NPIPA5: variants seen among roughly 807,000 people sequenced by gnomAD.
NPIPA5 encodes the protein nuclear pore complex-interacting protein family member A5.
In NPIPA5, 6 loss-of-function variants were observed where a neutral mutation model predicts 21.4. That is an observed-to-expected ratio of 0.28 (90% CI 0.15 to 0.55). NPIPA5 has a LOEUF of 0.55. Among genes scored for constraint, NPIPA5 ranks in the 20% least tolerant of loss-of-function variants. NPIPA5 has a pLI of 0.93. For synonymous variants in NPIPA5, 33 were observed against 115.3 expected (o/e 0.29, Z 4.57); for missense variants, 99 against 318.2 (o/e 0.31, Z 5.24).
intron 1 of NPIPA5, among the ~76,000 whole-genome samples, chr16:15,377,053 T>C (rs888360117): frequency 2.0e-4 from 31 of 152,188 alleles, no homozygotes; most frequent in Middle Eastern, 3.4e-3. Context: ...TCCGTTTTGT[T>C]TGTTGGAGAC....
chr16:15,380,731 G>A (rs2050418143), upstream of NPIPA5, among the ~76,000 whole-genome samples: 1 of 148,910 alleles, frequency 6.7e-6, no homozygotes, highest in Non-Finnish European at 1.5e-5. Flanking sequence ...GTTTCTGACA[G>A]AAGATAGTGG....
chr16:15,374,223 C>G (rs1400921459), intron 1 of NPIPA5, among the ~76,000 whole-genome samples: 2 of 147,160 alleles, frequency 1.4e-5, no homozygotes, highest in African/African-American at 5.0e-5. Flanking sequence ...AGACAGAGTT[C>G]TGCTCCACTC....
Position 15,372,437 on chromosome 16 carries a change from A to G in NPIPA5, c.192+1278T>C, listed in dbSNP as rs1003362306. On this transcript the variant is annotated intron_variant, in intron 2 of 7. Transcript: ENST00000360151. ...GAGGTGGAGGTTGCAGTGAGCCGAG[A>G]TCACACCATTATACTCCAGCCTGGG... 4.9e-4 allele frequency among the ~76,000 whole-genome samples: 71 copies of G among 145,338 alleles called. 4 individuals are homozygous for G. The highest frequency in any genetic ancestry group is 1.8e-3 in the African/African-American group (70 of 39,990).
chr16:15,370,833 G>C (rs1277439340), intron 2 of NPIPA5, among the ~76,000 whole-genome samples: 1 of 147,686 alleles, frequency 6.8e-6, no homozygotes, highest in South Asian at 2.2e-4. Context: ...GGTGAATCAC[G>C]GTCCAGAGAT....
upstream of NPIPA5, chr16:15,381,038 G>T: frequency 6.6e-7 from 1 of 1,515,718 alleles, no homozygotes. Flanking sequence ...ACAATAGAGA[G>T]CTTCACCATT....
chr16:15,369,249 A>C (rs2050079185), intron 4 of NPIPA5, among the ~76,000 whole-genome samples: 1 of 149,272 alleles, frequency 6.7e-6, no homozygotes, highest in East Asian at 2.1e-4. Context: ...TGAGGTCAGA[A>C]GTTCGAGACC....
intron 1 of NPIPA5, among the ~76,000 whole-genome samples, 154 bp from the exon 2 acceptor site, chr16:15,373,997 G>C (rs1412522335): frequency 9.7e-6 from 1 of 103,254 alleles, no homozygotes; most frequent in Non-Finnish European, 1.9e-5. Flanking sequence ...AAAAAGAACA[G>C]AAGTTAGAGA....
At chr16:15,380,072 A>T (rs1276918318), upstream of NPIPA5, among the ~76,000 whole-genome samples, 1 of 151,844 alleles carries the variant, frequency 6.6e-6, no homozygotes, top group Admixed American at 6.6e-5. Context: ...AAAAGACAAG[A>T]TAATGTTCAA....
At chr16:15,368,021 A>G (rs1220042972) in intron 4 of NPIPA5, among the ~76,000 whole-genome samples, 3 of 70,966 alleles carry the variant, frequency 4.2e-5, no homozygotes, top group Admixed American at 1.8e-4. Context: ...TCAAATTGCT[A>G]ACATGGCAGT....
upstream of NPIPA5, among the ~76,000 whole-genome samples, chr16:15,380,361 C>T (rs191563284): frequency 1.9e-3 from 286 of 150,182 alleles, 2 homozygotes; most frequent in African/African-American, 6.7e-3. Flanking sequence ...CTCGCTCTGT[C>T]GTACAGTCTG....
intron 1 of NPIPA5, among the ~76,000 whole-genome samples, chr16:15,376,646 C>A (rs912924608): frequency 1.3e-5 from 2 of 151,744 alleles, no homozygotes; most frequent in African/African-American, 2.4e-5. Flanking sequence ...TGGCCAGGCG[C>A]GGTGGCTCAC....
intron 4 of NPIPA5, among the ~76,000 whole-genome samples, chr16:15,367,190 C>G (rs541183875): frequency 3.9e-5 from 6 of 152,246 alleles, no homozygotes; most frequent in Non-Finnish European, 8.8e-5. Context: ...TCTGACTCCT[C>G]CTGTGTGAGA....
upstream of NPIPA5, among the ~76,000 whole-genome samples, chr16:15,379,868 C>T (rs547705259): frequency 1.3e-5 from 2 of 151,956 alleles, no homozygotes; most frequent in East Asian, 1.9e-4. Context: ...TGCTTGAACC[C>T]GGGAGACGGA....
chr16:15,367,986 A>G (rs1473518833), intron 4 of NPIPA5, among the ~76,000 whole-genome samples: 1 of 58,992 alleles, frequency 1.7e-5, no homozygotes, highest in African/African-American at 7.1e-5. Flanking sequence ...CACCAAACAG[A>G]ATATAAAACC....
rs573746454 is a variant in NPIPA5, at chr16:15,370,672, AC to A, written c.193-554del. Among the ~76,000 whole-genome samples, 834 of 139,262 alleles carry A rather than the reference AC, an allele frequency of 6.0e-3. 23 individuals carry two copies. Among genetic ancestry groups the A allele is most frequent in the African/African-American group, 0.02 (785 of 38,474 alleles). The allele number at this position is 139,262 out of a possible 152,430, so 91.4% of individuals were successfully genotyped here. On this transcript the variant is annotated intron_variant, in intron 2 of 7. Transcript: ENST00000360151. ...AGGCTGAGGCAGGAGAATCACTTGA[AC>A]CCAGCAGGAAAAGGTTGTGTTGAGC... is the stretch of plus-strand genomic sequence containing the variant.
Position 15,363,967 on chromosome 16 carries a change from G to T in NPIPA5, c.745C>A (p.Pro249Thr), listed in dbSNP as rs2049927146. The part of the protein sequence containing the change: ...LKNRMGHQPP[P>T]PTQQHSIIDN... ...ATTATAGAATGTTGTTGAGTTGGAG[G>T]AGGTGGCTGGTGGCCCATCCTGTTT... Residue 249 changes from proline (P) to threonine (T), a missense_variant, in exon 8 of 8, where the codon CCT becomes ACT. By Grantham distance (38) the Pro-to-Thr change is conservative. This residue lies in a region of NPIPA5 where 75 missense variants were observed against 138.5 expected (regional missense o/e 0.54). Transcript: ENST00000360151. 6 of 1,592,016 alleles carry T rather than the reference G, an allele frequency of 3.8e-6. No individual in the cohort carries two copies. Among genetic ancestry groups the T allele is most frequent in the Non-Finnish European group, 3.4e-6 (4 of 1,176,110 alleles).
chr16:15,370,504 T>C (rs62037828), intron 2 of NPIPA5, among the ~76,000 whole-genome samples: 16,433 of 144,134 alleles, frequency 0.11, 1,845 homozygotes, highest in East Asian at 0.44. Flanking sequence ...GTAATCCCAG[T>C]ACTTTGGGAG....
chr16:15,377,672 G>A (rs1225447341), intron 1 of NPIPA5, among the ~76,000 whole-genome samples: 1 of 108,068 alleles, frequency 9.3e-6, no homozygotes, highest in Admixed American at 1.1e-4. Context: ...GAGGGGAAGG[G>A]GAGAAGTAAG....
intron 2 of NPIPA5, among the ~76,000 whole-genome samples, chr16:15,371,062 ATGAC>A: frequency 7.3e-6 from 1 of 137,918 alleles, no homozygotes; most frequent in Admixed American, 8.1e-5. Context: ...AAAAAAAAAA[ATGAC>A]ATGAATATAC....
Sources: allele counts gnomAD v4.1 joint callset (sites outside exome capture counted in the v4.1 genomes callset), GRCh38; gene constraint gnomAD v4.1.1; regional missense constraint gnomAD v4.1.1; transcripts MANE v1.5; gene names NCBI Gene and HGNC (gene_info 2026-07-23, HGNC 2026-07-21).